The following CSMD1 variants were observed in gnomAD, a reference collection of about 807,000 sequenced individuals.
CSMD1 encodes the protein CUB and sushi domain-containing protein 1.
A neutral mutation model predicts 417.5 loss-of-function variants in CSMD1; 213 were observed. The ratio of observed to expected loss-of-function variants is 0.51; its 90% CI spans 0.46 to 0.57. CSMD1 has a LOEUF of 0.57. Among genes scored for constraint, CSMD1 ranks in the 20% least tolerant of loss-of-function variants. The pLI, the probability that CSMD1 is intolerant of heterozygous loss-of-function variation, is 0.00. For missense variants in CSMD1, 6,923 were observed against 4,529.7 expected, an observed-to-expected ratio of 1.53 and a Z score of -15.17; for synonymous variants, 2,862 against 1,736.8, an observed-to-expected ratio of 1.65 and a Z score of -16.11.
chr8:4,054,777 C>T (rs562556806), intron 3 of CSMD1, among the ~76,000 whole-genome samples: 1 of 152,184 alleles, frequency 6.6e-6, no homozygotes, highest in South Asian at 2.1e-4. Flanking sequence ...TGACATCTAC[C>T]TTCAAGTGGA....
At chr8:3,461,455 C>T (rs1244301770) in intron 12 of CSMD1, among the ~76,000 whole-genome samples, 1 of 152,178 alleles carries the variant, frequency 6.6e-6, no homozygotes, top group African/African-American at 2.4e-5. Flanking sequence ...GGGCCAGGAA[C>T]TGAGGAGGGG....
At chr8:3,890,478 T>C (rs986497873) in intron 5 of CSMD1, among the ~76,000 whole-genome samples, 3 of 151,292 alleles carry the variant, frequency 2.0e-5, no homozygotes, top group Non-Finnish European at 4.4e-5. Flanking sequence ...GAGGGAAGTT[T>C]TGAAAATGAA....
At chr8:3,891,138 T>C (rs1806943837) in intron 5 of CSMD1, among the ~76,000 whole-genome samples, 2 of 152,102 alleles carry the variant, frequency 1.3e-5, no homozygotes, top group South Asian at 2.1e-4. Flanking sequence ...AACCTCCACC[T>C]CTTGGGCTTA....
chr8:4,242,114 G>T (rs887839734), intron 3 of CSMD1, among the ~76,000 whole-genome samples: 1 of 152,112 alleles, frequency 6.6e-6, no homozygotes, highest in African/African-American at 2.4e-5. Flanking sequence ...TTCTCAGAAT[G>T]CTCTAAGAAT....
At chr8:3,755,160 G>T (rs961071063) in intron 5 of CSMD1, among the ~76,000 whole-genome samples, 1 of 152,186 alleles carries the variant, frequency 6.6e-6, no homozygotes, top group Admixed American at 6.5e-5. Flanking sequence ...AGGCGCAAGG[G>T]ACACATTTAG....
chr8:4,510,106 G>C (rs1286923332), intron 2 of CSMD1, among the ~76,000 whole-genome samples: 1 of 151,980 alleles, frequency 6.6e-6, no homozygotes, highest in Non-Finnish European at 1.5e-5. Context: ...AAAGAGATCT[G>C]ATGGTTGTAT....
intron 3 of CSMD1, among the ~76,000 whole-genome samples, chr8:4,275,097 G>C (rs547427668): frequency 9.2e-5 from 14 of 152,116 alleles, no homozygotes; most frequent in Non-Finnish European, 2.1e-4. Context: ...AAAAACAAAT[G>C]AAAGCCCTTG....
intron 6 of CSMD1, among the ~76,000 whole-genome samples, chr8:3,747,516 A>G (rs905583259): frequency 2.0e-5 from 3 of 151,680 alleles, no homozygotes; most frequent in African/African-American, 4.8e-5. Context: ...CCTTTCATGA[A>G]ATATTGTATG....
chr8:3,970,517 CAGG>C (rs1365690671), intron 5 of CSMD1, among the ~76,000 whole-genome samples: 2 of 152,034 alleles, frequency 1.3e-5, no homozygotes, highest in Admixed American at 1.3e-4. Context: ...TTAAGGACTC[CAGG>C]AGGACGATTA....
intron 2 of CSMD1, among the ~76,000 whole-genome samples, chr8:4,420,787 C>T (rs1431451325): frequency 6.6e-6 from 1 of 152,098 alleles, no homozygotes; most frequent in African/African-American, 2.4e-5. Context: ...ATAGGACTCC[C>T]AACATAAGAA....
chr8:3,367,264 G>C lies in CSMD1; in HGVS notation c.2900-17C>G. ...TTTGAACTCCTGAGAAATGAAGCCG[G>C]GGGAGAGAGAGAGAGACAGAGAGAG... On this transcript the variant is annotated splice_polypyrimidine_tract_variant and intron_variant, in intron 19 of 69. Coordinates refer to ENST00000635120, the MANE Select transcript of CSMD1 (RefSeq NM_033225.6). The C allele has an allele frequency of 6.3e-7, 1 of 1,576,350 alleles. No homozygotes were observed. The highest frequency in any genetic ancestry group is 1.7e-5 in the Admixed American group (1 of 57,680).
intron 7 of CSMD1, among the ~76,000 whole-genome samples, chr8:3,656,081 TG>T (rs1206909574): frequency 6.6e-6 from 1 of 152,162 alleles, no homozygotes. Context: ...CCAGCACCCC[TG>T]CTACACACAG....
intron 6 of CSMD1, among the ~76,000 whole-genome samples, chr8:3,724,968 G>A (rs972431591): frequency 1.4e-4 from 21 of 152,268 alleles, no homozygotes; most frequent in African/African-American, 4.3e-4. Context: ...CTATTTCAAC[G>A]CAACTAGCTT....
At chr8:3,454,553 A>T (rs1352937640) in intron 12 of CSMD1, among the ~76,000 whole-genome samples, 8 of 152,092 alleles carry the variant, frequency 5.3e-5, no homozygotes, top group Non-Finnish European at 7.3e-5. Context: ...AAAGGATTTT[A>T]TTTCTCCTTC....
At chr8:3,906,749 A>G (rs1032889662) in intron 5 of CSMD1, among the ~76,000 whole-genome samples, 22 of 152,164 alleles carry the variant, frequency 1.4e-4, no homozygotes, top group Admixed American at 1.1e-3. Flanking sequence ...TTGATACTGT[A>G]AATTCCTACA....
intron 5 of CSMD1, among the ~76,000 whole-genome samples, chr8:3,826,785 T>A (rs1368883722): frequency 4.6e-5 from 7 of 152,160 alleles, no homozygotes; most frequent in Middle Eastern, 3.4e-3. Flanking sequence ...TTTATTTATT[T>A]TTAATTTTAA....
intron 10 of CSMD1, among the ~76,000 whole-genome samples, chr8:3,534,434 G>C (rs57507940): frequency 6.6e-6 from 1 of 150,678 alleles, no homozygotes; most frequent in East Asian, 2.0e-4. Context: ...TTTGGGCAAA[G>C]TGCCTATCAG....
chr8:4,719,195 C>A (rs1489977359), intron 1 of CSMD1, among the ~76,000 whole-genome samples: 1 of 152,178 alleles, frequency 6.6e-6, no homozygotes, highest in Admixed American at 6.5e-5. Flanking sequence ...AGAGAAAGTG[C>A]AGGGGTGGGG....
Position 3,717,024 on chromosome 8 carries a change from A to T in CSMD1, c.932-8533T>A, listed in dbSNP as rs545120939. The stretch of plus-strand genomic sequence containing the variant: ...AAGAACTTAAAAAATAAAGGTCACA[A>T]AGCTTGAAATGGTAGAAGCAGGGTT... On this transcript the variant is annotated intron_variant, in intron 6 of 69. Coordinates refer to ENST00000635120, the MANE Select transcript of CSMD1 (RefSeq NM_033225.6). Among the ~76,000 whole-genome samples the T allele has an allele frequency of 3.8e-4, 58 of 152,320 alleles. 1 individual carries two copies. In the South Asian group the frequency reaches 4.8e-3, roughly 13 times the overall value.
Sources: allele counts gnomAD v4.1 joint callset (sites outside exome capture counted in the v4.1 genomes callset), GRCh38; gene constraint gnomAD v4.1.1; transcripts MANE v1.5; gene names NCBI Gene and HGNC (gene_info 2026-07-23, HGNC 2026-07-21).